NEK7: variants seen among roughly 807,000 people sequenced by gnomAD.
NEK7 encodes NIMA related kinase 7, also known as serine/threonine-protein kinase Nek7.
NEK7 carries 18 observed loss-of-function variants against 44.6 expected under a neutral mutation model. The observed-to-expected ratio is 0.40, with a 90% confidence interval of 0.28 to 0.60. The LOEUF is 0.60. NEK7 is among the 20% of genes least tolerant of loss of function. NEK7 has a pLI of 0.38. For synonymous variants in NEK7, 130 were observed against 121.1 expected (o/e 1.07, Z -0.48); for missense variants, 256 against 366.5 (o/e 0.70, Z 2.46).
chr1:198,216,449 T>C (rs994736234), intron 1 of NEK7, among the ~76,000 whole-genome samples: 4 of 152,002 alleles, frequency 2.6e-5, no homozygotes, highest in Admixed American at 6.6e-5. Context: ...AAGAGGAAAG[T>C]TTATAGCGCT....
rs59719766 is a variant in NEK7 at position 198,233,092 on chromosome 1, G to GAA, written c.57+467_57+468dup. Among the ~76,000 whole-genome samples the GAA allele has an allele frequency of 2.5e-4, 36 of 141,348 alleles. No homozygotes were observed. In the South Asian group the frequency reaches 5.3e-3, roughly 21 times the overall value. 92.7% of individuals were successfully genotyped at this position (141,348 alleles called of 152,430 possible). A position where few individuals can be genotyped will look rare whatever the true frequency, so the allele number is the denominator to read the frequency against. On this transcript the variant is annotated intron_variant, in intron 2 of 9. Transcript: ENST00000367385. ...AGTATTAGGTTTAGGGAAGGAAGAG[G>GAA]AAAAAAAAAAAAAGGTGAGACTGTG... is the stretch of plus-strand genomic sequence containing the variant.
At chr1:198,216,409 A>C (rs185762699) in intron 1 of NEK7, among the ~76,000 whole-genome samples, 1 of 152,042 alleles carries the variant, frequency 6.6e-6, no homozygotes, top group Non-Finnish European at 1.5e-5. Context: ...CAAGTTATCA[A>C]AATCTCTAGG....
chr1:198,283,296 G>C (rs1654266452), intron 7 of NEK7, among the ~76,000 whole-genome samples: 2 of 152,090 alleles, frequency 1.3e-5, no homozygotes, highest in Admixed American at 1.3e-4. Context: ...CATGCCCAGG[G>C]TAGTCTCCTA....
chr1:198,279,115 G>C, intron 7 of NEK7, 54 bp downstream of exon 7: 3 of 1,082,182 alleles, frequency 2.8e-6, no homozygotes, highest in Non-Finnish European at 1.4e-6. Context: ...GTGATTAAAA[G>C]ATAAGAGGTA....
chr1:198,217,561 A>C (rs1486742710), intron 1 of NEK7, among the ~76,000 whole-genome samples: 1 of 152,114 alleles, frequency 6.6e-6, no homozygotes, highest in African/African-American at 2.4e-5. Context: ...ATTTCTATTC[A>C]ACATAGTACT....
chr1:198,206,047 TAAAC>T (rs1432692870), intron 1 of NEK7, among the ~76,000 whole-genome samples: 2 of 152,150 alleles, frequency 1.3e-5, no homozygotes, highest in Admixed American at 6.5e-5. Context: ...GGGGTTTGCT[TAAAC>T]AAACAAAAGT....
At chr1:198,205,313 A>C in intron 1 of NEK7, among the ~76,000 whole-genome samples, 1 of 152,222 alleles carries the variant, frequency 6.6e-6, no homozygotes, top group East Asian at 1.9e-4. Flanking sequence ...CTCCACTCCT[A>C]TTAAATGAAA....
intron 1 of NEK7, among the ~76,000 whole-genome samples, chr1:198,190,861 T>G (rs1292937856): frequency 2.6e-5 from 4 of 152,078 alleles, no homozygotes; most frequent in Admixed American, 2.6e-4. Context: ...TTTTCTAGAC[T>G]AGTAGAAGGA....
intron 2 of NEK7, among the ~76,000 whole-genome samples, chr1:198,240,632 A>G (rs962665966): frequency 1.4e-4 from 21 of 147,118 alleles, no homozygotes; most frequent in Non-Finnish European, 3.0e-4. Flanking sequence ...TGAATAAAGT[A>G]CATAGTCTTG....
intron 2 of NEK7, among the ~76,000 whole-genome samples, chr1:198,249,214 A>G (rs563189414): frequency 9.9e-5 from 15 of 152,216 alleles, no homozygotes; most frequent in African/African-American, 2.9e-4. Context: ...TACAAAGGAC[A>G]TGAACTCATC....
rs971944804 is a variant in NEK7 at position 198,304,152 on chromosome 1, A to G, written c.798+6912A>G. ...CTTGCTCCTTGATGACATGAATCCA[A>G]AACGGTGTCCTATATTTCACATGTC... On this transcript the variant is annotated intron_variant, in intron 9 of 9. Coordinates refer to ENST00000367385, the MANE Select transcript of NEK7 (RefSeq NM_133494.3). Among the ~76,000 whole-genome samples the G allele has an allele frequency of 5.9e-5, 9 of 152,290 alleles. No homozygotes were observed. In the South Asian group the frequency reaches 1.0e-3, roughly 18 times the overall value.
intron 1 of NEK7, among the ~76,000 whole-genome samples, chr1:198,209,064 C>CAT (rs879608266): frequency 0.2 from 29,173 of 148,826 alleles, 3,419 homozygotes; most frequent in African/African-American, 0.31. Context: ...TATATACACA[C>CAT]ACACATACGC....
At chr1:198,228,072 C>T (rs902452950) in intron 1 of NEK7, among the ~76,000 whole-genome samples, 2 of 152,220 alleles carry the variant, frequency 1.3e-5, no homozygotes, top group African/African-American at 4.8e-5. Flanking sequence ...GATCCAGTTG[C>T]AGCTTTCTAC....
intron 5 of NEK7, among the ~76,000 whole-genome samples, chr1:198,265,468 G>A (rs1653617545): frequency 6.6e-6 from 1 of 152,138 alleles, no homozygotes; most frequent in Admixed American, 6.6e-5. Flanking sequence ...ATAGAGGGAA[G>A]AAAAGGGAAG....
At chr1:198,193,475 C>T (rs998901199) in intron 1 of NEK7, among the ~76,000 whole-genome samples, 1 of 152,062 alleles carries the variant, frequency 6.6e-6, no homozygotes, top group Non-Finnish European at 1.5e-5. Context: ...CAGCATCATC[C>T]TGATACCAAA....
chr1:198,270,094 C>G (rs1488577293), intron 5 of NEK7, among the ~76,000 whole-genome samples: 1 of 151,746 alleles, frequency 6.6e-6, no homozygotes, highest in Non-Finnish European at 1.5e-5. Context: ...GTGATGAAGA[C>G]CCAGTGTAGA....
At chr1:198,318,415 A>T (rs1655437841) in intron 9 of NEK7, among the ~76,000 whole-genome samples, 1 of 152,150 alleles carries the variant, frequency 6.6e-6, no homozygotes, top group Non-Finnish European at 1.5e-5. Flanking sequence ...CTTCAGCCCA[A>T]GCTTTTTAAT....
chr1:198,209,798 G>C (rs1298066772), intron 1 of NEK7, among the ~76,000 whole-genome samples: 1 of 151,244 alleles, frequency 6.6e-6, no homozygotes, highest in East Asian at 1.9e-4. Flanking sequence ...TACCATGCTG[G>C]GTCTAATATT....
intron 2 of NEK7, among the ~76,000 whole-genome samples, chr1:198,242,168 C>G (rs996327177): frequency 6.6e-6 from 1 of 152,088 alleles, no homozygotes; most frequent in Non-Finnish European, 1.5e-5. Flanking sequence ...CCTCATCTCT[C>G]TAACTCCTCA....
Sources: allele counts gnomAD v4.1 joint callset (sites outside exome capture counted in the v4.1 genomes callset), GRCh38; gene constraint gnomAD v4.1.1; transcripts MANE v1.5; gene names NCBI Gene and HGNC (gene_info 2026-07-23, HGNC 2026-07-21).